Variants in ERCC6L2 observed in about 807,000 individuals in gnomAD.
ERCC6L2 encodes the protein DNA excision repair protein ERCC-6-like 2.
ERCC6L2 carries 77 observed loss-of-function variants against 132.0 expected under a neutral mutation model. The ratio of observed to expected loss-of-function variants is 0.58; its 90% confidence interval spans 0.49 to 0.71. ERCC6L2 has a LOEUF of 0.71. Ranked by LOEUF, ERCC6L2 falls within the 30% of genes least tolerant of loss-of-function variation. The probability of loss-of-function intolerance (pLI) is 0.00; values close to 1 mark genes in which losing one functional copy is unlikely to be tolerated. For synonymous variants in ERCC6L2, 583 were observed against 632.4 expected (o/e 0.92, Z 1.17); for missense variants, 1,542 against 1,837.6 (o/e 0.84, Z 2.94).
chr9:95,922,212 TAATA>T (rs1377849559), intron 7 of ERCC6L2, 89 bp from the exon 8 acceptor site: 9 of 571,544 alleles, frequency 1.6e-5, no homozygotes, highest in Non-Finnish European at 2.8e-5. Context: ...AGTAACCCGA[TAATA>T]AATGTTATTG....
intron 19 of ERCC6L2, among the ~76,000 whole-genome samples, chr9:96,033,605 A>G (rs1302701997): frequency 1.3e-5 from 2 of 152,204 alleles, no homozygotes; most frequent in Non-Finnish European, 2.9e-5. Flanking sequence ...TTTGCTGTAT[A>G]CAAAACAAAA....
At chr9:95,955,822 T>G in intron 12 of ERCC6L2, 92 bp from the exon 13 acceptor site, 1 of 589,656 alleles carries the variant, frequency 1.7e-6, no homozygotes. Flanking sequence ...AATTAAAAAT[T>G]TAATGATTTT....
At chr9:95,923,087 C>A (rs962024771) in intron 8 of ERCC6L2, among the ~76,000 whole-genome samples, 173 bp from the exon 9 acceptor site, 1 of 152,062 alleles carries the variant, frequency 6.6e-6, no homozygotes, top group Non-Finnish European at 1.5e-5. Flanking sequence ...CAGTGCCATA[C>A]GTTTAACATA....
In ERCC6L2 at chr9:96,016,486, T is replaced by C. The variant is rs961803767; in HGVS notation, c.*3283T>C. Among the ~76,000 whole-genome samples the C allele has an allele frequency of 2.0e-5, 3 of 152,188 alleles. No individual in the cohort carries two copies. Among genetic ancestry groups the C allele is most frequent in the African/African-American group, 7.2e-5 (3 of 41,438 alleles). On this transcript the variant is annotated 3_prime_UTR_variant, in exon 19 of 19. Coordinates refer to ENST00000653738, the MANE Select transcript of ERCC6L2 (RefSeq NM_020207.7). The stretch of plus-strand genomic sequence containing the variant: ...GAAACTGAGGCAAGATACCAAGAGA[T>C]TTTTGCACTTGAATTCCTCAGGGTT...
At chr9:96,029,303 C>CAACA (rs1834423175) in intron 19 of ERCC6L2, among the ~76,000 whole-genome samples, 1 of 81,778 alleles carries the variant, frequency 1.2e-5, no homozygotes, top group Admixed American at 1.5e-4. Flanking sequence ...GACTCCGTCT[C>CAACA]AAAAAAAAAA....
chr9:95,916,147 T>C (rs1829574469), intron 5 of ERCC6L2, 80 bp from the exon 6 acceptor site: 1 of 1,241,616 alleles, frequency 8.1e-7, no homozygotes, highest in Non-Finnish European at 1.2e-6. Flanking sequence ...AATCAAGTAA[T>C]GTAGTATATC....
intron 12 of ERCC6L2, among the ~76,000 whole-genome samples, chr9:95,943,056 T>A (rs1050081255): frequency 6.6e-6 from 1 of 152,138 alleles, no homozygotes; most frequent in African/African-American, 2.4e-5. Context: ...AGTGAAAAAA[T>A]TTATATGGCT....
intron 7 of ERCC6L2, among the ~76,000 whole-genome samples, chr9:95,921,770 A>G (rs887898758): frequency 4.6e-5 from 7 of 152,158 alleles, no homozygotes; most frequent in African/African-American, 1.2e-4. Flanking sequence ...TACTTTTTCT[A>G]ACCTTTTGTT....
chr9:95,930,057 T>C (rs1360097806), intron 11 of ERCC6L2, among the ~76,000 whole-genome samples: 4 of 152,192 alleles, frequency 2.6e-5, no homozygotes, highest in African/African-American at 9.7e-5. Context: ...ATGGCATTTT[T>C]GCTCTATTAA....
chr9:95,953,020 T>A (rs1020534377), intron 12 of ERCC6L2, among the ~76,000 whole-genome samples: 1 of 151,988 alleles, frequency 6.6e-6, no homozygotes, highest in African/African-American at 2.4e-5. Context: ...GTACCTAGAG[T>A]CATCAAATTC....
chr9:95,907,677 C>A (rs967816331), intron 4 of ERCC6L2, among the ~76,000 whole-genome samples: 2 of 152,066 alleles, frequency 1.3e-5, no homozygotes, highest in African/African-American at 4.8e-5. Context: ...CAGGATACTT[C>A]TTCAAACACT....
chr9:95,946,540 TTAAA>T (rs1362471967), intron 12 of ERCC6L2, among the ~76,000 whole-genome samples: 1 of 151,730 alleles, frequency 6.6e-6, no homozygotes, highest in South Asian at 2.1e-4. Flanking sequence ...AAAAATAAAA[TTAAA>T]TAATAATAAT....
At chr9:96,002,423 C>CTT (rs11398688) in intron 17 of ERCC6L2, among the ~76,000 whole-genome samples, 4,654 of 144,056 alleles carry the variant, frequency 0.032, 269 homozygotes, top group African/African-American at 0.11. Context: ...GTTAGTTTGG[C>CTT]TTTTTTTTTT....
chr9:95,982,644 A>G (rs1344727930), intron 17 of ERCC6L2, among the ~76,000 whole-genome samples: 2 of 152,106 alleles, frequency 1.3e-5, no homozygotes, highest in Non-Finnish European at 2.9e-5. Context: ...CAGTAATTTT[A>G]TGGCATTTGT....
At chr9:95,918,986 A>C (rs1829732842) in intron 6 of ERCC6L2, among the ~76,000 whole-genome samples, 1 of 151,974 alleles carries the variant, frequency 6.6e-6, no homozygotes, top group South Asian at 2.1e-4. Context: ...ATTCTGCCTC[A>C]GTCTCCCAAG....
At chr9:96,027,860 G>C (rs1056381669) in intron 19 of ERCC6L2, 5 of 152,352 alleles carry the variant, frequency 3.3e-5, no homozygotes, top group African/African-American at 1.2e-4. Context: ...CGCCTGTCCA[G>C]GCCCGGGACT....
rs746450201 is a variant in ERCC6L2, at chr9:95,876,076, C to T, written c.38C>T (p.Ser13Leu). The change falls in exon 1 of 19, where the codon TCA becomes TTA. Residue 13 changes from serine to leucine, a missense_variant. Coordinates refer to ENST00000653738, the MANE Select transcript of ERCC6L2 (RefSeq NM_020207.7). ...PSAPQPRAETSGKDIWHPGER... is the reference protein window; with the variant it reads ...PSAPQPRAETLGKDIWHPGER... ...GCGCCACAGCCCCGCGCGGAAACCT[C>T]AGGCAAAGGTACCAGCTCCGCGCTC... 1.9e-6 allele frequency: 3 copies of T among 1,580,264 alleles called. No homozygotes were observed. Among genetic ancestry groups the T allele is most frequent in the African/African-American group, 1.4e-5 (1 of 74,022 alleles).
chr9:95,876,159 C>A, intron 1 of ERCC6L2, 75 bp downstream of exon 1: 1 of 1,433,266 alleles, frequency 7.0e-7, no homozygotes, highest in Non-Finnish European at 9.6e-7. Flanking sequence ...TGCCGGTGCC[C>A]TTCGGGTTGG....
chr9:96,000,926 T>C (rs531670466), intron 17 of ERCC6L2, among the ~76,000 whole-genome samples: 460 of 152,312 alleles, frequency 3.0e-3, no homozygotes, highest in Non-Finnish European at 5.8e-3. Context: ...CGGTGAGTGT[T>C]ACAGCTCTTA....
Sources: allele counts gnomAD v4.1 joint callset (sites outside exome capture counted in the v4.1 genomes callset), GRCh38; gene constraint gnomAD v4.1.1; transcripts MANE v1.5; gene names NCBI Gene and HGNC (gene_info 2026-07-23, HGNC 2026-07-21).